Variants in ZNF407 observed in about 807,000 individuals in gnomAD.
ZNF407 encodes the protein zinc finger protein 407.
ZNF407 carries 17 observed loss-of-function variants against 131.2 expected under a neutral mutation model. That is an observed-to-expected ratio of 0.13 (90% CI 0.09 to 0.19). The LOEUF is 0.19. Among genes scored for constraint, ZNF407 ranks in the 10% least tolerant of loss-of-function variants. ZNF407 has a pLI of 1.00. For missense variants in ZNF407, 2,681 were observed against 2,830.6 expected (o/e 0.95, Z 1.20); for synonymous variants, 1,156 against 1,062.0 (o/e 1.09, Z -1.72).
intron 1 of ZNF407, among the ~76,000 whole-genome samples, chr18:74,627,786 CTCTCTCTCTT>C (rs1229993336): frequency 2.2e-4 from 23 of 105,524 alleles, no homozygotes; most frequent in Non-Finnish European, 4.5e-4. Flanking sequence ...CTTTCTCTCT[CTCTCTCTCTT>C]TCTCTCTTTC....
chr18:74,914,783 A>G (rs1275477763), intron 7 of ZNF407, among the ~76,000 whole-genome samples: 1 of 152,042 alleles, frequency 6.6e-6, no homozygotes, highest in Non-Finnish European at 1.5e-5. Flanking sequence ...GAATAAGAGG[A>G]AGAGGGTGGG....
At chr18:74,746,865 G>A (rs1209849436) in intron 3 of ZNF407, among the ~76,000 whole-genome samples, 5 of 151,694 alleles carry the variant, frequency 3.3e-5, no homozygotes, top group Admixed American at 1.3e-4. Flanking sequence ...TTTATAAGCC[G>A]GTAACATAGT....
chr18:74,662,593 A>G (rs1568152675), intron 3 of ZNF407, among the ~76,000 whole-genome samples: 1 of 152,250 alleles, frequency 6.6e-6, no homozygotes, highest in Non-Finnish European at 1.5e-5. Flanking sequence ...ATATAAAGTG[A>G]GTTTACTCTT....
chr18:74,862,510 A>G (rs1037444803), intron 4 of ZNF407, among the ~76,000 whole-genome samples: 4 of 152,226 alleles, frequency 2.6e-5, no homozygotes, highest in East Asian at 1.9e-4. Context: ...TGTTTTTACT[A>G]TAAAGCTGTA....
rs565072993 is a variant in ZNF407 at position 74,971,552 on chromosome 18, A to G, written c.5428+50860A>G. 2.6e-5 allele frequency among the ~76,000 whole-genome samples: 4 copies of G among 152,344 alleles called. No homozygotes were observed. In the South Asian group the frequency reaches 6.2e-4, roughly 24 times the overall value. On this transcript the variant is annotated intron_variant, in intron 8 of 8. Transcript: ENST00000299687. ...ATGCCAGGAGTCTCTGCTAAAACGT[A>G]ACAAGAGTCACCTTTACTCCAGTTC...
chr18:75,009,754 A>G (rs2122178091), intron 8 of ZNF407, among the ~76,000 whole-genome samples: 2 of 152,304 alleles, frequency 1.3e-5, no homozygotes, highest in South Asian at 4.1e-4. Context: ...AACTTATTCA[A>G]GATAAAAGTT....
chr18:74,902,901 G>A (rs2145210744), intron 7 of ZNF407, among the ~76,000 whole-genome samples: 1 of 152,256 alleles, frequency 6.6e-6, no homozygotes, highest in South Asian at 2.1e-4. Flanking sequence ...CTTATCATAT[G>A]TTGCACCTTC....
At chr18:74,864,088 A>T (rs1194229717) in intron 4 of ZNF407, among the ~76,000 whole-genome samples, 2 of 152,196 alleles carry the variant, frequency 1.3e-5, no homozygotes, top group Non-Finnish European at 2.9e-5. Context: ...AGGAAATATG[A>T]CTGAGATAGA....
rs138760493 is a variant in ZNF407 at position 75,059,975 on chromosome 18, C to T, written c.5429-3175C>T. Among the ~76,000 whole-genome samples the T allele has an allele frequency of 5.7e-3, 861 of 152,318 alleles. 17 individuals carry two copies. The highest frequency in any genetic ancestry group is 0.02 in the African/African-American group (816 of 41,580). Reference sequence around the variant, plus strand: ...GGGAGGAGGGAGAAAGGCAGGTAGTCAGGAGCTCTGTCCCCAGACACGTGC... The same window carrying T: ...GGGAGGAGGGAGAAAGGCAGGTAGTTAGGAGCTCTGTCCCCAGACACGTGC... On this transcript the variant is annotated intron_variant, in intron 8 of 8. Coordinates refer to ENST00000299687, the MANE Select transcript of ZNF407 (RefSeq NM_017757.3).
intron 8 of ZNF407, among the ~76,000 whole-genome samples, chr18:74,972,385 C>G (rs1053838655): frequency 6.6e-6 from 1 of 152,230 alleles, no homozygotes; most frequent in African/African-American, 2.4e-5. Context: ...TCCCCACTCC[C>G]TTTCCCCTCT....
rs143776196 is a variant in ZNF407, at chr18:74,765,799, G to A, written c.4803-15629G>A. 7.4e-4 allele frequency among the ~76,000 whole-genome samples: 113 copies of A among 152,140 alleles called. 1 individual carries two copies. Among genetic ancestry groups the A allele is most frequent in the African/African-American group, 2.5e-3 (104 of 41,490 alleles). On this transcript the variant is annotated intron_variant, in intron 3 of 8. Coordinates refer to ENST00000299687, the MANE Select transcript of ZNF407 (RefSeq NM_017757.3). ...TAGCTGCAGCTCTGTTTCTCACCTC[G>A]TTACACTGTCTGACAGCTGGCTCTT...
chr18:74,912,889 A>G (rs1281328696), intron 7 of ZNF407, among the ~76,000 whole-genome samples: 1 of 152,216 alleles, frequency 6.6e-6, no homozygotes, highest in African/African-American at 2.4e-5. Flanking sequence ...AAGAGCAAAA[A>G]TCTGAATGAG....
intron 4 of ZNF407, among the ~76,000 whole-genome samples, chr18:74,823,796 A>C (rs1277574190): frequency 1.3e-5 from 2 of 152,220 alleles, no homozygotes; most frequent in African/African-American, 4.8e-5. Flanking sequence ...AATATTAGAC[A>C]GATTGACAAG....
intron 4 of ZNF407, among the ~76,000 whole-genome samples, chr18:74,839,264 A>G (rs1395386945): frequency 1.3e-5 from 2 of 152,240 alleles, no homozygotes; most frequent in African/African-American, 4.8e-5. Context: ...TTAGAGGAAC[A>G]TAGAGTATCT....
chr18:74,971,730 G>C (rs1972474985), intron 8 of ZNF407, among the ~76,000 whole-genome samples: 1 of 152,134 alleles, frequency 6.6e-6, no homozygotes, highest in Admixed American at 6.5e-5. Context: ...TCTTCAAACT[G>C]TTCCAACTCT....
intron 1 of ZNF407, among the ~76,000 whole-genome samples, chr18:74,606,985 C>A (rs553995911): frequency 5.3e-5 from 8 of 152,116 alleles, no homozygotes; most frequent in South Asian, 4.1e-4. Flanking sequence ...GGGTTATCAC[C>A]TTTTAGAGGG....
At chr18:74,956,473 A>G (rs939654867) in intron 8 of ZNF407, among the ~76,000 whole-genome samples, 2 of 152,130 alleles carry the variant, frequency 1.3e-5, no homozygotes, top group African/African-American at 4.8e-5. Context: ...TTTTAAACCA[A>G]AATATAAGAC....
intron 8 of ZNF407, among the ~76,000 whole-genome samples, chr18:75,034,848 T>G (rs1358007325): frequency 1.3e-5 from 2 of 152,148 alleles, no homozygotes; most frequent in African/African-American, 4.8e-5. Flanking sequence ...GGAAACTAAG[T>G]TGACATGTGG....
In ZNF407 at chr18:74,634,888, G is replaced by T. The variant is rs775474670; in HGVS notation, c.3869G>T (p.Gly1290Val). ...CAGAACAGAGTTGCACGTGGGCATG[G>T]TTTGGAAGACTTGAAAGGTGTCCAA... ...GGQNRVARGHGLEDLKGVQED... is the reference protein window; with the variant it reads ...GGQNRVARGHVLEDLKGVQED... The change falls in exon 2 of 9, where the codon GGT becomes GTT. Residue 1290 changes from glycine to valine, a missense_variant. Around this residue, in one of 6 missense-constraint regions of ZNF407, gnomAD observed 1,789 missense variants for 1,748.7 expected, o/e 1.02. Coordinates refer to ENST00000299687, the MANE Select transcript of ZNF407 (RefSeq NM_017757.3). 2.5e-5 allele frequency: 40 copies of T among 1,613,556 alleles called. 1 individual carries two copies. In the African/African-American group the frequency reaches 5.1e-4, roughly 20 times the overall value.
Sources: gnomAD v4.1 joint callset for allele counts (sites outside exome capture counted in the v4.1 genomes callset) on GRCh38, gnomAD v4.1.1 for gene constraint, gnomAD v4.1.1 regional missense constraint, MANE v1.5 for transcripts, NCBI Gene and HGNC (gene_info 2026-07-23, HGNC 2026-07-21) for gene names.